The following CNBD2 variants were observed in gnomAD, a reference collection of about 807,000 sequenced individuals.
The protein encoded by CNBD2 is cyclic nucleotide binding domain containing 2, also known as cyclic nucleotide-binding domain-containing protein 2.
Under a neutral mutation model 63.7 loss-of-function variants are expected in CNBD2, and 64 were observed. The ratio of observed to expected loss-of-function variants is 1.00; its 90% CI spans 0.82 to 1.24. The LOEUF is 1.24. CNBD2 is among the 50% of genes most tolerant of loss of function. CNBD2 has a pLI of 0.00. For missense variants in CNBD2, 691 were observed against 713.5 expected (o/e 0.97, Z 0.36); for synonymous variants, 229 against 255.4 (o/e 0.90, Z 0.99).
In CNBD2 at chr20:36,014,807, A is replaced by G. The variant is rs570739773; in HGVS notation, c.1269+3550A>G. On this transcript the variant is annotated intron_variant, in intron 10 of 11. Transcript: ENST00000373973. Reference sequence around the variant, plus strand: ...CTGCCATGCCCAACTAATTTTTTTTATTTTTCGTTAGAGACAGGGTCTCAC... The same window carrying G: ...CTGCCATGCCCAACTAATTTTTTTTGTTTTTCGTTAGAGACAGGGTCTCAC... Among the ~76,000 whole-genome samples, 23 of 143,216 alleles carry G rather than the reference A, an allele frequency of 1.6e-4. No homozygotes were observed. In the East Asian group the frequency reaches 4.6e-3, roughly 29 times the overall value. 94.0% of individuals were successfully genotyped at this position (143,216 alleles called of 152,430 possible).
Position 35,983,992 on chromosome 20 carries a change from A to T in CNBD2, c.418A>T (p.Arg140Trp). ...KVMRFERFGR[R>W]RVIIKKGQKG... ...GTGGTCTTTTCCCAGGTTTGGTCGC[A>T]GGCGTGTGATCATCAAGAAGGGGCA... is the stretch of plus-strand genomic sequence containing the variant. Residue 140 changes from arginine (R) to tryptophan (W), a missense_variant, in exon 5 of 12, where the codon AGG (arginine) becomes TGG (tryptophan). Arg to Trp is a moderately radical substitution (Grantham distance 101). Coordinates refer to ENST00000373973, the MANE Select transcript of CNBD2 (RefSeq NM_001365709.1). The T allele has an allele frequency of 6.2e-7, 1 of 1,614,194 alleles. No individual in the cohort carries two copies. Among genetic ancestry groups the T allele is most frequent in the Non-Finnish European group, 8.5e-7 (1 of 1,180,026 alleles).
intron 10 of CNBD2, among the ~76,000 whole-genome samples, chr20:36,018,454 C>T (rs2057164190): frequency 6.6e-6 from 1 of 152,172 alleles, no homozygotes. Flanking sequence ...TAACATGACC[C>T]CTTTGAAGAA....
At chr20:36,002,922 A>G (rs1459561937) in intron 8 of CNBD2, among the ~76,000 whole-genome samples, 2 of 152,028 alleles carry the variant, frequency 1.3e-5, no homozygotes. Context: ...TTGGATTGCA[A>G]CATGTATATT....
chr20:35,976,613 A>G (rs2056522960), intron 3 of CNBD2, among the ~76,000 whole-genome samples: 1 of 152,194 alleles, frequency 6.6e-6, no homozygotes, highest in East Asian at 1.9e-4. Context: ...TCTCATTTTG[A>G]TGAGAGAATG....
At chr20:36,022,195 CTTTTTTTTTT>C (rs753206662) in intron 10 of CNBD2, among the ~76,000 whole-genome samples, 2 of 56,264 alleles carry the variant, frequency 3.6e-5, no homozygotes, top group Non-Finnish European at 6.6e-5. Flanking sequence ...TTTTTTTTTT[CTTTTTTTTTT>C]TTTTTTTTTT....
rs2057013954 is a variant in CNBD2 at position 36,008,443 on chromosome 20, A to T, written c.1117A>T (p.Thr373Ser). 1 of 1,613,098 alleles carries T rather than the reference A, an allele frequency of 6.2e-7. No individual in the cohort carries two copies. The highest frequency in any genetic ancestry group is 1.1e-5 in the South Asian group (1 of 90,998). The change falls in exon 9 of 12, where the codon ACT becomes TCT. Residue 373 changes from threonine (T) to serine (S), a missense_variant. Thr to Ser is a moderately conservative substitution (Grantham distance 58). Coordinates refer to ENST00000373973, the MANE Select transcript of CNBD2 (RefSeq NM_001365709.1). ...FSRKIRTSGD[T>S]LPKMLGPKIQ... ...CAGGAAGATCAGAACCTCAGGAGAC[A>T]CTCTCCCCAAGATGCTGGGCCCGAA...
chr20:36,005,717 G>A (rs924290056), intron 8 of CNBD2, among the ~76,000 whole-genome samples: 5 of 152,114 alleles, frequency 3.3e-5, no homozygotes, highest in Admixed American at 2.0e-4. Flanking sequence ...TTGGGAGGCC[G>A]AGGTAGACGG....
At chr20:36,026,774 T>G (rs2057287245) in intron 11 of CNBD2, among the ~76,000 whole-genome samples, 1 of 152,236 alleles carries the variant, frequency 6.6e-6, no homozygotes, top group African/African-American at 2.4e-5. Flanking sequence ...CTAACCCCAG[T>G]TTGGGATAAG....
intron 1 of CNBD2, among the ~76,000 whole-genome samples, chr20:35,970,029 G>T (rs1271536501): frequency 6.6e-6 from 1 of 152,190 alleles, no homozygotes; most frequent in Non-Finnish European, 1.5e-5. Context: ...GAAGGCTCAT[G>T]CCTGTAATCC....
At chr20:35,969,865 T>G (rs779384114) in intron 1 of CNBD2, among the ~76,000 whole-genome samples, 10 of 152,214 alleles carry the variant, frequency 6.6e-5, no homozygotes, top group Admixed American at 5.2e-4. Flanking sequence ...ATCCTCAACT[T>G]TATATAATGT....
In CNBD2 at chr20:35,995,057, G is replaced by C. The variant is rs148382292; in HGVS notation, c.875G>C (p.Arg292Pro). 1.1e-5 allele frequency: 17 copies of C among 1,614,058 alleles called. No individual in the cohort carries two copies. The African/African-American group carries it at 1.9e-4, about 18-fold the overall frequency. The change falls in exon 8 of 12, where the codon CGG becomes CCG. Residue 292 changes from arginine to proline, a missense_variant. Physicochemically the swap from Arg to Pro is moderately radical, Grantham distance 103. Transcript: ENST00000373973. The part of the protein sequence containing the change: ...FISKGSCEVL[R>P]LLDLGASPSY... ...GTTCAGGGCAGCTGTGAAGTCCTGC[G>C]GCTGTTGGACCTTGGGGCCTCCCCT...
intron 11 of CNBD2, among the ~76,000 whole-genome samples, chr20:36,029,647 C>G (rs1243754001): frequency 1.3e-5 from 2 of 152,116 alleles, no homozygotes; most frequent in East Asian, 3.9e-4. Context: ...GCCATGCTGA[C>G]CTCTGAGTTT....
chr20:36,002,178 C>T (rs972374848), intron 8 of CNBD2, among the ~76,000 whole-genome samples: 2 of 152,218 alleles, frequency 1.3e-5, no homozygotes, highest in East Asian at 1.9e-4. Flanking sequence ...GCGGATCACT[C>T]GCGGTTAGGA....
At chr20:35,989,148 G>A (rs2056708445) in intron 7 of CNBD2, among the ~76,000 whole-genome samples, 1 of 152,126 alleles carries the variant, frequency 6.6e-6, no homozygotes, top group South Asian at 2.1e-4. Context: ...AAGGTGAAGT[G>A]GTTATCCAAG....
intron 4 of CNBD2, among the ~76,000 whole-genome samples, chr20:35,983,713 T>C (rs2056627091): frequency 6.6e-6 from 1 of 152,230 alleles, no homozygotes; most frequent in South Asian, 2.1e-4. Context: ...TCAATGAACA[T>C]TCACTGTGCC....
intron 2 of CNBD2, among the ~76,000 whole-genome samples, chr20:35,961,052 C>G (rs1472289871): frequency 1.3e-5 from 2 of 152,104 alleles, no homozygotes; most frequent in African/African-American, 4.8e-5. Context: ...GCCTCAGCCT[C>G]TCGAGTAGCT....
chr20:35,998,874 CAAAAAAAAAAA>C (rs74173968), intron 8 of CNBD2, among the ~76,000 whole-genome samples: 1,126 of 47,376 alleles, frequency 0.024, 22 homozygotes, highest in African/African-American at 0.077. Context: ...CTGTGTCTCT[CAAAAAAAAAAA>C]AAAAAAAAAA....
At chr20:35,983,481 C>A (rs1430561318) in intron 4 of CNBD2, among the ~76,000 whole-genome samples, 1 of 152,064 alleles carries the variant, frequency 6.6e-6, no homozygotes, top group Non-Finnish European at 1.5e-5. Context: ...TATGATAAGA[C>A]CATTATCTGT....
At chr20:35,954,438 C>G, upstream of CNBD2, 1 of 1,549,690 alleles carries the variant, frequency 6.5e-7, no homozygotes, top group East Asian at 2.4e-5. Flanking sequence ...CGAGAGTGTG[C>G]GGAGCTTACC....
Sources: gnomAD v4.1 joint callset for allele counts (sites outside exome capture counted in the v4.1 genomes callset) on GRCh38, gnomAD v4.1.1 for gene constraint, MANE v1.5 for transcripts, NCBI Gene and HGNC (gene_info 2026-07-23, HGNC 2026-07-21) for gene names.